NDUFA10: variants seen among roughly 807,000 people sequenced by gnomAD.
NDUFA10 encodes the protein NADH dehydrogenase [ubiquinone] 1 alpha subcomplex subunit 10, mitochondrial.
NDUFA10 carries 40 observed loss-of-function variants against 47.8 expected under a neutral mutation model. The ratio of observed to expected loss-of-function variants is 0.84; its 90% confidence interval spans 0.65 to 1.09. The LOEUF (loss-of-function observed/expected upper bound fraction) is 1.09, where lower values mean the gene tolerates loss of function less well. NDUFA10 is among the 50% of genes least tolerant of loss of function. NDUFA10 has a pLI of 0.00. For synonymous variants in NDUFA10, 183 were observed against 172.2 expected (o/e 1.06, Z -0.49); for missense variants, 413 against 451.1 (o/e 0.92, Z 0.76).
intron 1 of NDUFA10, among the ~76,000 whole-genome samples, chr2:240,022,946 G>A (rs546870453): frequency 1.3e-5 from 2 of 152,206 alleles, no homozygotes; most frequent in South Asian, 2.1e-4. Flanking sequence ...TTTGAGTGTC[G>A]TCTTTGATAC....
intron 8 of NDUFA10, among the ~76,000 whole-genome samples, chr2:240,003,102 A>G (rs1169244540): frequency 6.6e-6 from 1 of 152,154 alleles, no homozygotes; most frequent in Non-Finnish European, 1.5e-5. Flanking sequence ...CTCCCACTTG[A>G]GCTTCCCAAC....
chr2:239,935,419 G>C (rs1454814990), intron 4 of NDUFA10, among the ~76,000 whole-genome samples: 2 of 152,246 alleles, frequency 1.3e-5, no homozygotes. Flanking sequence ...CAGGCCGACA[G>C]GGCCGTGTGG....
intron 4 of NDUFA10, among the ~76,000 whole-genome samples, chr2:239,895,593 C>T (rs1431275503): frequency 1.3e-5 from 2 of 152,176 alleles, no homozygotes; most frequent in Non-Finnish European, 2.9e-5. Context: ...TACTTAAGGT[C>T]ATCCTAAGTA....
intron 9 of NDUFA10, among the ~76,000 whole-genome samples, chr2:239,969,232 G>C (rs1007204369): frequency 6.6e-6 from 1 of 152,158 alleles, no homozygotes; most frequent in Admixed American, 6.5e-5. Context: ...TTATAAAAAT[G>C]TTCAGTATGC....
chr2:239,897,497 T>C (rs1449803184), intron 4 of NDUFA10, among the ~76,000 whole-genome samples: 1 of 152,236 alleles, frequency 6.6e-6, no homozygotes. Context: ...TGCCTAAATA[T>C]GGCCTCAGAT....
At position 239,985,062 on chromosome 2, in the gene NDUFA10, C is replaced by T. The variant is rs137872144; in HGVS notation, c.999+5012G>A. Among the ~76,000 whole-genome samples, 1,304 of 152,264 alleles carry T rather than the reference C, an allele frequency of 8.6e-3. 9 individuals carry two copies. Among genetic ancestry groups the T allele is most frequent in the Non-Finnish European group, 0.013 (879 of 68,030 alleles). ...CCTGCCAGAAGACGGTAAAGCGCAT[C>T]CTCTCCAGGGTGAGATGACTCCAGG... is the stretch of plus-strand genomic sequence containing the variant. On this transcript the variant is annotated intron_variant, in intron 9 of 9. Transcript: ENST00000252711.
At chr2:239,950,171 G>A (rs1340486198) in intron 4 of NDUFA10, among the ~76,000 whole-genome samples, 2 of 152,154 alleles carry the variant, frequency 1.3e-5, no homozygotes. Flanking sequence ...TAGCCCCTCC[G>A]CCCCATGCTG....
chr2:239,932,725 ATC>A (rs1694196810), intron 4 of NDUFA10, among the ~76,000 whole-genome samples: 1 of 152,056 alleles, frequency 6.6e-6, no homozygotes, highest in Non-Finnish European at 1.5e-5. Flanking sequence ...GACTACAGGC[ATC>A]CGCCACCATA....
Position 239,931,831 on chromosome 2 carries a change from C to CTTTTT in NDUFA10, c.295-36522_295-36518dup, listed in dbSNP as rs35581568. Reference sequence around the variant, plus strand: ...GAGCCGCCCTTCATCTGCACCTCTGCTTTTTTTTTTTTTTTTTTTTTTGAG... The same window carrying CTTTTT: ...GAGCCGCCCTTCATCTGCACCTCTGCTTTTTTTTTTTTTTTTTTTTTTTTTTTGAG... On this transcript the variant is annotated intron_variant, in intron 4 of 5. Transcript: ENST00000419408. Among the ~76,000 whole-genome samples, 387 of 90,164 alleles carry CTTTTT rather than the reference C, an allele frequency of 4.3e-3. 6 individuals are homozygous for CTTTTT. Among genetic ancestry groups the CTTTTT allele is most frequent in the Middle Eastern group, 0.023 (2 of 86 alleles). 59.2% of individuals were successfully genotyped at this position (90,164 alleles called of 152,430 possible).
chr2:239,933,503 GT>G (rs1171690518), intron 4 of NDUFA10, among the ~76,000 whole-genome samples: 5 of 129,846 alleles, frequency 3.9e-5, no homozygotes, highest in South Asian at 2.4e-4. Flanking sequence ...AGCCTCCATG[GT>G]TTTTTTTTTG....
intron 9 of NDUFA10, among the ~76,000 whole-genome samples, chr2:239,965,717 T>A (rs1306274561): frequency 5.9e-5 from 9 of 152,182 alleles, no homozygotes; most frequent in Admixed American, 5.9e-4. Flanking sequence ...GAAAATCATT[T>A]TCCTCCTGTC....
downstream of NDUFA10, among the ~76,000 whole-genome samples, chr2:239,954,241 C>T (rs961347414): frequency 1.3e-5 from 2 of 148,740 alleles, no homozygotes; most frequent in South Asian, 2.1e-4. Flanking sequence ...GAGTGGGTTC[C>T]CCCTGACGGT....
chr2:239,896,838 A>T (rs1693408488), intron 4 of NDUFA10, among the ~76,000 whole-genome samples: 2 of 152,232 alleles, frequency 1.3e-5, no homozygotes, highest in African/African-American at 4.8e-5. Flanking sequence ...AAAAAACAGC[A>T]GGGGAATAGT....
At chr2:239,954,097 C>T (rs1387485392), downstream of NDUFA10, among the ~76,000 whole-genome samples, 1 of 150,458 alleles carries the variant, frequency 6.6e-6, no homozygotes, top group Non-Finnish European at 1.5e-5. Context: ...TGGGTGCCAC[C>T]TGCCAGGCCA....
chr2:239,924,214 C>T (rs1694034482), intron 4 of NDUFA10, among the ~76,000 whole-genome samples: 1 of 151,898 alleles, frequency 6.6e-6, no homozygotes, highest in Non-Finnish European at 1.5e-5. Flanking sequence ...ACTGGTATTA[C>T]CTTAATAAAA....
At chr2:239,983,706 C>A in intron 9 of NDUFA10, 2 of 1,568,884 alleles carry the variant, frequency 1.3e-6, no homozygotes, top group Non-Finnish European at 1.7e-6. Flanking sequence ...AACACACAGT[C>A]CAATCTAATC....
chr2:240,017,996 A>G, intron 4 of NDUFA10: 1 of 1,069,996 alleles, frequency 9.3e-7, no homozygotes, highest in Middle Eastern at 2.0e-4. Context: ...CCCCAACCCC[A>G]CCCTGACTCC....
intron 4 of NDUFA10, among the ~76,000 whole-genome samples, chr2:239,908,967 T>C (rs1693701963): frequency 6.6e-6 from 1 of 152,198 alleles, no homozygotes; most frequent in Admixed American, 6.5e-5. Flanking sequence ...TCTGGGCAGC[T>C]AACTCGAAGG....
At chr2:240,006,994 T>C (rs966931066) in intron 7 of NDUFA10, among the ~76,000 whole-genome samples, 1 of 152,244 alleles carries the variant, frequency 6.6e-6, no homozygotes, top group African/African-American at 2.4e-5. Context: ...TAAGGAAAAC[T>C]GTTATCTTTA....
Sources: gnomAD v4.1 joint callset for allele counts (sites outside exome capture counted in the v4.1 genomes callset) on GRCh38, gnomAD v4.1.1 for gene constraint, MANE v1.5 for transcripts, NCBI Gene and HGNC (gene_info 2026-07-23, HGNC 2026-07-21) for gene names.